The following ROR2 variants were observed in gnomAD, a reference collection of about 807,000 sequenced individuals.
ROR2 encodes tyrosine-protein kinase transmembrane receptor ROR2.
Under a neutral mutation model 74.9 loss-of-function variants are expected in ROR2, and 33 were observed. The observed-to-expected ratio is 0.44, with a 90% CI of 0.33 to 0.59. The LOEUF (loss-of-function observed/expected upper bound fraction) is 0.59. Ranked by LOEUF, ROR2 falls within the 20% of genes least tolerant of loss-of-function variation. The probability of loss-of-function intolerance (pLI) is 0.02; values close to 1 mark genes in which losing one functional copy is unlikely to be tolerated. For synonymous variants in ROR2, 586 were observed against 558.7 expected (o/e 1.05, Z -0.69); for missense variants, 1,216 against 1,313.8 (o/e 0.93, Z 1.15).
At chr9:91,918,271 A>G (rs1400286416) in intron 1 of ROR2, among the ~76,000 whole-genome samples, 1 of 151,724 alleles carries the variant, frequency 6.6e-6, no homozygotes, top group African/African-American at 2.4e-5. Context: ...CTCAAAAAAA[A>G]AAAAAAAAGA....
chr9:91,878,748 A>G, intron 1 of ROR2, among the ~76,000 whole-genome samples: 1 of 152,190 alleles, frequency 6.6e-6, no homozygotes, highest in Non-Finnish European at 1.5e-5. Context: ...GAATCCCCCA[A>G]CAAGAAACTC....
At chr9:91,917,998 G>A (rs1196893409) in intron 1 of ROR2, among the ~76,000 whole-genome samples, 4 of 152,294 alleles carry the variant, frequency 2.6e-5, no homozygotes, top group South Asian at 2.1e-4. Context: ...CAGGCCGGGC[G>A]CGGTGGCTCA....
At chr9:91,845,307 C>A (rs944873583) in intron 1 of ROR2, among the ~76,000 whole-genome samples, 13 of 152,258 alleles carry the variant, frequency 8.5e-5, no homozygotes, top group African/African-American at 3.1e-4. Flanking sequence ...GATGCTGCAA[C>A]CAGCCAGAGC....
At position 91,733,328 on chromosome 9, in the gene ROR2, C is replaced by A; in HGVS notation, c.731G>T (p.Arg244Leu). 1 of 1,612,270 alleles carries A rather than the reference C, an allele frequency of 6.2e-7. No individual in the cohort carries two copies. The highest frequency in any genetic ancestry group is 8.5e-7 in the Non-Finnish European group (1 of 1,179,638). The part of the protein sequence containing the change: ...FVFPLCDARS[R>L]TPKPRELCRD... Reference sequence around the variant, plus strand: ...GCACAGCTCACGCGGCTTGGGTGTCCGGGAGCGCGCGTCGCACAGAGGAAA... The same window carrying A: ...GCACAGCTCACGCGGCTTGGGTGTCAGGGAGCGCGCGTCGCACAGAGGAAA... Residue 244 changes from arginine (R) to leucine (L), a missense_variant, in exon 6 of 9, where the codon CGG becomes CTG. Coordinates refer to ENST00000375708, the MANE Select transcript of ROR2 (RefSeq NM_004560.4). This position sits in a 1 kb window ranked among gnomAD's most constrained non-coding sequence, Gnocchi z 5.7.
At chr9:91,936,120 T>C (rs1831679631) in intron 1 of ROR2, among the ~76,000 whole-genome samples, 1 of 152,202 alleles carries the variant, frequency 6.6e-6, no homozygotes, top group South Asian at 2.1e-4. Context: ...AGCAATAGTT[T>C]AGCAGTAGAA....
intron 1 of ROR2, among the ~76,000 whole-genome samples, chr9:91,894,775 A>G (rs1830498369): frequency 6.6e-6 from 1 of 152,190 alleles, no homozygotes. Context: ...CAAAACACTG[A>G]TGACACCAAA....
chr9:91,751,369 T>C (rs1421227721), intron 4 of ROR2, among the ~76,000 whole-genome samples: 1 of 152,134 alleles, frequency 6.6e-6, no homozygotes, highest in Non-Finnish European at 1.5e-5. Context: ...ACAAGAGACC[T>C]ACATAAAACA....
At chr9:91,739,975 G>GAC (rs1825163113) in intron 4 of ROR2, among the ~76,000 whole-genome samples, 4 of 152,198 alleles carry the variant, frequency 2.6e-5, no homozygotes, top group African/African-American at 9.7e-5. Context: ...AGACATGCCT[G>GAC]ATCAGATTAA....
At chr9:91,785,155 C>T (rs1199355456) in intron 1 of ROR2, among the ~76,000 whole-genome samples, 1 of 152,192 alleles carries the variant, frequency 6.6e-6, no homozygotes, top group Non-Finnish European at 1.5e-5. Flanking sequence ...CTCTCCCTCC[C>T]TTAGCTCCAA....
intron 1 of ROR2, among the ~76,000 whole-genome samples, chr9:91,786,821 C>T: frequency 6.6e-6 from 1 of 152,200 alleles, no homozygotes; most frequent in East Asian, 1.9e-4. Flanking sequence ...CTGCCTAGAG[C>T]TGACTATAAC....
At chr9:91,818,661 C>T (rs973526046) in intron 1 of ROR2, among the ~76,000 whole-genome samples, 7 of 152,214 alleles carry the variant, frequency 4.6e-5, no homozygotes, top group South Asian at 2.1e-4. Flanking sequence ...CCATGGCCCA[C>T]GCTGGCATAG....
chr9:91,924,769 C>CGA (rs1265007138), intron 1 of ROR2, among the ~76,000 whole-genome samples: 1 of 149,902 alleles, frequency 6.7e-6, no homozygotes, highest in East Asian at 1.9e-4. Context: ...GGCGACAGAG[C>CGA]GAGACTCCAT....
chr9:91,924,089 TC>T (rs1831336223), intron 1 of ROR2, among the ~76,000 whole-genome samples: 1 of 152,244 alleles, frequency 6.6e-6, no homozygotes. Flanking sequence ...TTTCCTGCTC[TC>T]CCCAAGCTGC....
At chr9:91,913,659 A>G (rs1471926421) in intron 1 of ROR2, among the ~76,000 whole-genome samples, 1 of 151,756 alleles carries the variant, frequency 6.6e-6, no homozygotes. Context: ...TCTCTAAACT[A>G]CTCCCCAAAT....
At chr9:91,846,276 G>T (rs1828928203) in intron 1 of ROR2, among the ~76,000 whole-genome samples, 1 of 152,174 alleles carries the variant, frequency 6.6e-6, no homozygotes, top group Non-Finnish European at 1.5e-5. Flanking sequence ...TTTGGAGTCG[G>T]GGCCTGTAGG....
intron 1 of ROR2, among the ~76,000 whole-genome samples, chr9:91,864,591 A>G (rs752092157): frequency 3.0e-4 from 45 of 152,252 alleles, no homozygotes; most frequent in Non-Finnish European, 6.0e-4. Context: ...ACTGCAACAC[A>G]AATCAAGACA....
rs1345819550 is a variant in ROR2, at chr9:91,948,562, A to AC, written c.97+1304_97+1305insG. 4.9e-5 allele frequency: 48 copies of AC among 985,178 alleles called. No homozygotes were observed. The African/African-American group carries it at 7.2e-4, about 15-fold the overall frequency. The allele number at this position is 985,178 out of a possible 1,614,324, so 61.0% of individuals were successfully genotyped here. ...CGTAATCAACATCTGCTTAAACTAAAACCCCCCCCCAGGAAAGACTGTGCA... is the reference window on the plus strand; with the variant it reads ...CGTAATCAACATCTGCTTAAACTAAACACCCCCCCCCAGGAAAGACTGTGCA... On this transcript the variant is annotated intron_variant, in intron 1 of 8. Coordinates refer to ENST00000375708, the MANE Select transcript of ROR2 (RefSeq NM_004560.4).
intron 1 of ROR2, among the ~76,000 whole-genome samples, chr9:91,820,333 G>A (rs1054809617): frequency 6.6e-6 from 1 of 152,096 alleles, no homozygotes; most frequent in Admixed American, 6.5e-5. Flanking sequence ...CAAGTCAGCC[G>A]GGAATCTGAG....
In ROR2 at chr9:91,857,351, C is replaced by T. The variant is rs559384109; in HGVS notation, c.98-81533G>A. Among the ~76,000 whole-genome samples, 86 of 152,326 alleles carry T rather than the reference C, an allele frequency of 5.6e-4. 2 individuals carry two copies. In the South Asian group the frequency reaches 0.018, roughly 32 times the overall value. On this transcript the variant is annotated intron_variant, in intron 1 of 8. Transcript: ENST00000375708. ...GGCAGGCGGTGGGGCCTCGCCGCCC[C>T]GCCACTCCAGGTCCCAGCTTGGAGC...
Sources: allele counts gnomAD v4.1 joint callset (sites outside exome capture counted in the v4.1 genomes callset), GRCh38; gene constraint gnomAD v4.1.1; non-coding constraint Gnocchi (gnomAD v3.1); transcripts MANE v1.5; gene names NCBI Gene and HGNC (gene_info 2026-07-23, HGNC 2026-07-21).